Variants in BBS9 observed in about 807,000 individuals in gnomAD.
BBS9 encodes protein PTHB1.
A neutral mutation model predicts 117.7 loss-of-function variants in BBS9; 89 were observed. That is an observed-to-expected ratio of 0.76 (90% CI 0.64 to 0.90). BBS9 has a LOEUF of 0.90. Among genes scored for constraint, BBS9 ranks in the 40% least tolerant of loss-of-function variants. BBS9 has a pLI of 0.00. For synonymous variants in BBS9, 379 were observed against 370.9 expected (o/e 1.02, Z -0.25); for missense variants, 982 against 1,042.2 (o/e 0.94, Z 0.80).
At chr7:33,224,578 T>A (rs1790885460) in intron 5 of BBS9, among the ~76,000 whole-genome samples, 1 of 152,200 alleles carries the variant, frequency 6.6e-6, no homozygotes, top group African/African-American at 2.4e-5. Context: ...AGGTTCTCCC[T>A]CTTTTTTCCT....
intron 19 of BBS9, among the ~76,000 whole-genome samples, chr7:33,418,470 C>T (rs1012428610): frequency 6.6e-6 from 1 of 152,150 alleles, no homozygotes; most frequent in African/African-American, 2.4e-5. Flanking sequence ...TTCTTTTTTG[C>T]CAACCTTTGG....
At chr7:33,166,502 G>A (rs866449697) in intron 4 of BBS9, among the ~76,000 whole-genome samples, 15 of 152,218 alleles carry the variant, frequency 9.9e-5, no homozygotes, top group African/African-American at 2.9e-4. Context: ...GCTAAGCTGC[G>A]GTGGGCTCCG....
intron 5 of BBS9, among the ~76,000 whole-genome samples, chr7:33,187,266 A>C (rs1027758848): frequency 1.3e-5 from 2 of 152,262 alleles, no homozygotes; most frequent in Non-Finnish European, 2.9e-5. Flanking sequence ...TAGTCTATGT[A>C]GTATCAAGAT....
intron 9 of BBS9, among the ~76,000 whole-genome samples, chr7:33,286,396 A>T (rs1416289058): frequency 6.6e-6 from 1 of 152,154 alleles, no homozygotes; most frequent in Admixed American, 6.6e-5. Flanking sequence ...TTCACTAAGC[A>T]CATACCTTCT....
chr7:33,212,947 G>C (rs1200998805), intron 5 of BBS9, among the ~76,000 whole-genome samples: 1 of 152,180 alleles, frequency 6.6e-6, no homozygotes, highest in Non-Finnish European at 1.5e-5. Flanking sequence ...ACTGGGGACT[G>C]TGTTGGGTCA....
chr7:33,500,432 AT>A (rs1048271421), intron 19 of BBS9, among the ~76,000 whole-genome samples: 1 of 152,256 alleles, frequency 6.6e-6, no homozygotes, highest in African/African-American at 2.4e-5. Context: ...CCTAGCCCTT[AT>A]CTTCCCTTAT....
At chr7:33,407,139 A>G (rs1009964731) in intron 19 of BBS9, among the ~76,000 whole-genome samples, 15 of 152,038 alleles carry the variant, frequency 9.9e-5, no homozygotes, top group African/African-American at 3.6e-4. Flanking sequence ...ATTTCTTTTT[A>G]TTCTTTTTTC....
At chr7:33,188,760 G>A (rs1783569731) in intron 5 of BBS9, among the ~76,000 whole-genome samples, 1 of 152,158 alleles carries the variant, frequency 6.6e-6, no homozygotes, top group Non-Finnish European at 1.5e-5. Flanking sequence ...TAACAGAAGG[G>A]TAGGAACATT....
chr7:33,324,586 G>T (rs1157074729), intron 9 of BBS9, among the ~76,000 whole-genome samples: 1 of 147,140 alleles, frequency 6.8e-6, no homozygotes, highest in East Asian at 2.0e-4. Context: ...ATTTCTTATT[G>T]CTAGTTAACA....
chr7:33,173,720 T>C (rs1219892306), intron 4 of BBS9, among the ~76,000 whole-genome samples: 4 of 152,214 alleles, frequency 2.6e-5, no homozygotes, highest in African/African-American at 9.7e-5. Context: ...TTGTAACTTA[T>C]CTTTAGTAAT....
intron 21 of BBS9, among the ~76,000 whole-genome samples, chr7:33,579,289 A>G (rs1859480433): frequency 6.6e-6 from 1 of 152,174 alleles, no homozygotes; most frequent in Admixed American, 6.6e-5. Flanking sequence ...CCAGTACAGA[A>G]GACCCTATTC....
At chr7:33,309,408 A>G (rs1040282204) in intron 9 of BBS9, among the ~76,000 whole-genome samples, 1 of 152,208 alleles carries the variant, frequency 6.6e-6, no homozygotes, top group Non-Finnish European at 1.5e-5. Context: ...ACTTTGAATT[A>G]TAACACATTT....
At chr7:33,596,538 G>C (rs551975837) in intron 21 of BBS9, among the ~76,000 whole-genome samples, 1 of 152,052 alleles carries the variant, frequency 6.6e-6, no homozygotes, top group Admixed American at 6.6e-5. Flanking sequence ...GGATGGATCA[G>C]AGGAAGTGCA....
intron 12 of BBS9, among the ~76,000 whole-genome samples, chr7:33,345,887 T>G (rs553184343): frequency 5.3e-5 from 8 of 152,294 alleles, no homozygotes; most frequent in African/African-American, 1.9e-4. Context: ...TCATGCTAAT[T>G]GTACCCCCAG....
intron 5 of BBS9, among the ~76,000 whole-genome samples, chr7:33,238,166 A>G (rs17170131): frequency 0.11 from 17,259 of 152,240 alleles, 1,152 homozygotes; most frequent in African/African-American, 0.18. Context: ...GCCAAGGTTC[A>G]ATATACATGT....
intron 19 of BBS9, among the ~76,000 whole-genome samples, chr7:33,427,508 T>C (rs919153208): frequency 6.6e-6 from 1 of 152,244 alleles, no homozygotes; most frequent in Non-Finnish European, 1.5e-5. Flanking sequence ...TTAGGTTTTA[T>C]TGACTAGATA....
chr7:33,144,146 A>ATGG (rs1163897272), intron 1 of BBS9, among the ~76,000 whole-genome samples: 2 of 152,182 alleles, frequency 1.3e-5, no homozygotes, highest in African/African-American at 4.8e-5. Context: ...CACTGGTTGC[A>ATGG]TGGTTAACAT....
chr7:33,310,293 G>GT (rs1808936902), intron 9 of BBS9, among the ~76,000 whole-genome samples: 1 of 151,850 alleles, frequency 6.6e-6, no homozygotes, highest in Non-Finnish European at 1.5e-5. Context: ...TCTTTGTCTT[G>GT]TTTTTTCTGT....
intron 5 of BBS9, among the ~76,000 whole-genome samples, chr7:33,182,424 G>T (rs1798221890): frequency 6.6e-6 from 1 of 152,156 alleles, no homozygotes; most frequent in African/African-American, 2.4e-5. Flanking sequence ...ATGTCCCCAG[G>T]CCTTACTTAA....
Sources: allele counts gnomAD v4.1 joint callset (sites outside exome capture counted in the v4.1 genomes callset), GRCh38; gene constraint gnomAD v4.1.1; transcripts MANE v1.5; gene names NCBI Gene and HGNC (gene_info 2026-07-23, HGNC 2026-07-21).